The following ABCA13 variants were observed in gnomAD, a reference collection of about 807,000 sequenced individuals.
The protein encoded by ABCA13 is ATP-binding cassette sub-family A member 13.
A neutral mutation model predicts 478.7 loss-of-function variants in ABCA13; 476 were observed. The ratio of observed to expected loss-of-function variants is 0.99; its 90% confidence interval spans 0.92 to 1.07. ABCA13 has a LOEUF of 1.07. Ranked by LOEUF, ABCA13 falls within the 50% of genes least tolerant of loss-of-function variation. The pLI is 0.00. For synonymous variants in ABCA13, 2,252 were observed against 2,158.9 expected (o/e 1.04, Z -1.20); for missense variants, 6,060 against 5,910.6 (o/e 1.03, Z -0.83).
rs754305121 is a variant in ABCA13, at chr7:48,275,022, A to G, written c.5356A>G (p.Ile1786Val). 2 of 1,613,942 alleles carry G rather than the reference A, an allele frequency of 1.2e-6. No homozygotes were observed. Among genetic ancestry groups the G allele is most frequent in the Admixed American group, 1.7e-5 (1 of 59,998 alleles). Reference sequence around the variant, plus strand: ...CCTTCATGGCATAACCATTTCAAATATCACCAAGGAAGACTTCGCAATTGT... The same window carrying G: ...CCTTCATGGCATAACCATTTCAAATGTCACCAAGGAAGACTTCGCAATTGT... The part of the protein sequence containing the change: ...TLLHGITISN[I>V]TKEDFAIVIK... Residue 1786 changes from isoleucine to valine, a missense_variant, in exon 17 of 62, where the codon ATC (isoleucine) becomes GTC (valine). By Grantham distance (29) the Ile-to-Val change is conservative. Around this residue, in one of 3 missense-constraint regions of ABCA13, gnomAD observed 4,423 missense variants for 4,309.1 expected, o/e 1.03. Transcript: ENST00000435803.
rs1795732223 is a variant in ABCA13 at position 48,272,380 on chromosome 7, T to G, written c.2714T>G (p.Phe905Cys). ...GCTATAATAACTAGTCTCCATGAAT[T>G]TGGATTTTTGGAGCAGGAACAGATC... ...SEAIITSLHE[F>C]GFLEQEQISE... The change falls in exon 17 of 62, where the codon TTT becomes TGT. Residue 905 changes from phenylalanine to cysteine, a missense_variant. Coordinates refer to ENST00000435803, the MANE Select transcript of ABCA13 (RefSeq NM_152701.5). 1 of 1,613,638 alleles carries G rather than the reference T, an allele frequency of 6.2e-7. No individual in the cohort carries two copies.
intron 1 of ABCA13, 53 bp downstream of exon 1, chr7:48,171,605 T>C (rs1794079212): frequency 1.3e-6 from 2 of 1,525,694 alleles, no homozygotes; most frequent in South Asian, 2.4e-5. Context: ...TGGAGCAAGA[T>C]CAGGGTCTAT....
intron 29 of ABCA13, 28 bp from the exon 30 acceptor site, chr7:48,350,615 T>C (rs1165444873): frequency 1.3e-6 from 2 of 1,542,962 alleles, no homozygotes; most frequent in African/African-American, 1.4e-5. Flanking sequence ...CAGAAGTTGA[T>C]GTGTCCTAAT....
At chr7:48,348,071 T>G (rs1416576648) in intron 29 of ABCA13, among the ~76,000 whole-genome samples, 1 of 152,152 alleles carries the variant, frequency 6.6e-6, no homozygotes, top group Non-Finnish European at 1.5e-5. Flanking sequence ...TGTCCCTATC[T>G]CCAGGCCAAA....
intron 3 of ABCA13, among the ~76,000 whole-genome samples, chr7:48,202,663 C>G (rs1798945052): frequency 6.7e-6 from 1 of 148,858 alleles, no homozygotes; most frequent in Non-Finnish European, 1.5e-5. Flanking sequence ...AAGGCCCCAC[C>G]TGAGCAGCTA....
At chr7:48,264,410 A>G (rs1794606626) in intron 15 of ABCA13, among the ~76,000 whole-genome samples, 1 of 151,892 alleles carries the variant, frequency 6.6e-6, no homozygotes, top group Non-Finnish European at 1.5e-5. Flanking sequence ...GCAGTGCATG[A>G]GAGTTAAAAT....
Position 48,645,574 on chromosome 7 carries a change from A to G in ABCA13, c.*62A>G. Reference sequence around the variant, plus strand: ...CTTCCATTACAATTAACAGTCAAGGATAAAACAAGCACGCGCACAATCAAG... The same window carrying G: ...CTTCCATTACAATTAACAGTCAAGGGTAAAACAAGCACGCGCACAATCAAG... On this transcript the variant is annotated 3_prime_UTR_variant, in exon 62 of 62. Transcript: ENST00000435803. 7.3e-7 allele frequency: 1 copy of G among 1,371,614 alleles called. No individual in the cohort carries two copies. The highest frequency in any genetic ancestry group is 1.0e-6 in the Non-Finnish European group (1 of 988,602). The allele number at this position is 1,371,614 out of a possible 1,614,324, so 85.0% of individuals were successfully genotyped here. A position where few individuals can be genotyped will look rare whatever the true frequency, so the allele number is the denominator to read the frequency against.
intron 57 of ABCA13, among the ~76,000 whole-genome samples, chr7:48,591,614 AG>A (rs1789755884): frequency 6.6e-6 from 1 of 152,006 alleles, no homozygotes; most frequent in African/African-American, 2.4e-5. Flanking sequence ...GTACATGGAT[AG>A]CTCTCCATTT....
chr7:48,441,885 C>T (rs992385042), intron 42 of ABCA13, among the ~76,000 whole-genome samples: 3 of 152,032 alleles, frequency 2.0e-5, no homozygotes, highest in Non-Finnish European at 4.4e-5. Context: ...AACCTTACTG[C>T]GAAAAAAATG....
chr7:48,477,526 G>A (rs1443436133), intron 45 of ABCA13, among the ~76,000 whole-genome samples: 1 of 151,990 alleles, frequency 6.6e-6, no homozygotes, highest in African/African-American at 2.4e-5. Context: ...TTAAGAAAAT[G>A]TGGCACATAT....
intron 38 of ABCA13, among the ~76,000 whole-genome samples, chr7:48,403,126 G>T (rs945400731): frequency 6.6e-6 from 1 of 152,220 alleles, no homozygotes; most frequent in African/African-American, 2.4e-5. Context: ...CCCTGCAACG[G>T]AACAGGACAC....
intron 40 of ABCA13, among the ~76,000 whole-genome samples, chr7:48,410,993 T>A (rs989653658): frequency 1.0e-5 from 1 of 97,944 alleles, no homozygotes; most frequent in South Asian, 3.0e-4. Context: ...CTTTCTTTCT[T>A]TCTTTCTTTC....
intron 9 of ABCA13, among the ~76,000 whole-genome samples, chr7:48,239,826 CACAA>C (rs1790541368): frequency 6.6e-6 from 1 of 152,238 alleles, no homozygotes. Context: ...AAGCTCTGTG[CACAA>C]ACAGTGACTG....
intron 20 of ABCA13, among the ~76,000 whole-genome samples, chr7:48,291,332 G>A (rs1738127039): frequency 6.6e-6 from 1 of 152,168 alleles, no homozygotes; most frequent in Non-Finnish European, 1.5e-5. Context: ...CTCCTTGTCA[G>A]ACCCCTTCAG....
intron 43 of ABCA13, 100 bp downstream of exon 43, chr7:48,455,386 A>G (rs774622164): frequency 1.4e-6 from 2 of 1,408,988 alleles, no homozygotes; most frequent in Non-Finnish European, 1.9e-6. Flanking sequence ...AAAACTGGAA[A>G]TATAAATGTT....
rs1833015604 is a variant in ABCA13 at position 48,528,365 on chromosome 7, A to AT, written c.14354+25dup. On this transcript the variant is annotated intron_variant, in intron 55 of 61. Coordinates refer to ENST00000435803, the MANE Select transcript of ABCA13 (RefSeq NM_152701.5). ...CATGGGGTAAGATACAGATTTCATC[A>AT]TTTTTGTTGCTTAAAGAGATAATAA... 6.7e-7 allele frequency: 1 copy of AT among 1,494,178 alleles called. No homozygotes were observed. The highest frequency in any genetic ancestry group is 1.4e-5 in the African/African-American group (1 of 71,344). 92.6% of individuals were successfully genotyped at this position (1,494,178 alleles called of 1,614,324 possible).
At chr7:48,413,498 G>A (rs1387818942) in intron 41 of ABCA13, among the ~76,000 whole-genome samples, 2 of 152,164 alleles carry the variant, frequency 1.3e-5, no homozygotes, top group Admixed American at 1.3e-4. Context: ...GGGTTCTTGA[G>A]GTTGGCTCTC....
Position 48,374,477 on chromosome 7 carries a change from T to G in ABCA13, c.11203+61T>G. On this transcript the variant is annotated intron_variant, in intron 34 of 61. Transcript: ENST00000435803. ...GAATCACGTTTTTGGAAATTAATAG[T>G]TATATTGCAAGTGATCCAGTAGGAA... 5.6e-6 allele frequency: 8 copies of G among 1,429,398 alleles called. No individual in the cohort carries two copies. The South Asian group carries it at 1.0e-4, about 18-fold the overall frequency. 88.5% of individuals were successfully genotyped at this position (1,429,398 alleles called of 1,614,324 possible).
intron 15 of ABCA13, among the ~76,000 whole-genome samples, chr7:48,252,511 T>C (rs896300051): frequency 5.3e-5 from 8 of 152,188 alleles, no homozygotes; most frequent in African/African-American, 1.9e-4. Flanking sequence ...ATATACAGGT[T>C]ATTCTACTGA....
Sources: gnomAD v4.1 joint callset for allele counts (sites outside exome capture counted in the v4.1 genomes callset) on GRCh38, gnomAD v4.1.1 for gene constraint, gnomAD v4.1.1 regional missense constraint, MANE v1.5 for transcripts, NCBI Gene and HGNC (gene_info 2026-07-23, HGNC 2026-07-21) for gene names.